DDC: variants seen among roughly 807,000 people sequenced by gnomAD.
DDC encodes the protein dopa decarboxylase.
Under a neutral mutation model 60.0 loss-of-function variants are expected in DDC, and 43 were observed. The ratio of observed to expected loss-of-function variants is 0.72; its 90% CI spans 0.56 to 0.92. The LOEUF (loss-of-function observed/expected upper bound fraction) is 0.92, where lower values mean the gene tolerates loss of function less well. Ranked by LOEUF, DDC falls within the 40% of genes least tolerant of loss-of-function variation. The pLI is 0.00. For missense variants in DDC, 573 were observed against 620.2 expected (o/e 0.92, Z 0.81); for synonymous variants, 232 against 234.6 (o/e 0.99, Z 0.10).
rs145213426 is a variant in DDC at position 50,564,562 on chromosome 7, A to G, written c.-29+723T>C. On this transcript the variant is annotated intron_variant, in intron 1 of 14. Transcript: ENST00000444124. ...CGCATGATGGAGAGCAATGATTTCC[A>G]TCGATTAAGCTTTGATTCTTATATA... Among the ~76,000 whole-genome samples the G allele has an allele frequency of 9.6e-3, 1,467 of 152,326 alleles. 8 individuals are homozygous for G. Among genetic ancestry groups the G allele is most frequent in the Non-Finnish European group, 0.017 (1,151 of 68,024 alleles).
intron 2 of DDC, chr7:50,540,272 G>C: frequency 4.2e-6 from 2 of 477,522 alleles, no homozygotes; most frequent in South Asian, 4.0e-5. Flanking sequence ...GAATGTATTT[G>C]CTAGCTCAGA....
chr7:50,497,537 A>G (rs1302099227), intron 8 of DDC, among the ~76,000 whole-genome samples: 1 of 152,180 alleles, frequency 6.6e-6, no homozygotes, highest in African/African-American at 2.4e-5. Context: ...CCCAGGACAG[A>G]TGTTTCAAAT....
At chr7:50,553,162 C>A (rs2045066214) in intron 1 of DDC, among the ~76,000 whole-genome samples, 1 of 152,228 alleles carries the variant, frequency 6.6e-6, no homozygotes, top group Non-Finnish European at 1.5e-5. Flanking sequence ...CAACCATGCA[C>A]TGTGGATCTG....
chr7:50,530,942 A>G (rs1042390989), intron 4 of DDC, among the ~76,000 whole-genome samples: 4 of 152,290 alleles, frequency 2.6e-5, no homozygotes, highest in Admixed American at 1.3e-4. Context: ...TTGCCTTGAC[A>G]CTACTTTTAC....
intron 12 of DDC, among the ~76,000 whole-genome samples, chr7:50,469,378 T>C (rs1421691040): frequency 6.6e-6 from 1 of 152,056 alleles, no homozygotes; most frequent in Non-Finnish European, 1.5e-5. Flanking sequence ...TGGGCCCCAC[T>C]GCAGGCCGGC....
rs1315465500 is a variant in DDC at position 50,499,143 on chromosome 7, C to G, written c.876+5G>C. ...AGCCTTAGGGAGAGCGAAGGGTGCA[C>G]CTACCTCCACTCCATTCAGAAGGTG... On this transcript the variant is annotated splice_donor_5th_base_variant and intron_variant, in intron 8 of 14. Transcript: ENST00000444124. The G allele has an allele frequency of 6.2e-7, 1 of 1,610,744 alleles. No individual in the cohort carries two copies. The highest frequency in any genetic ancestry group is 1.1e-5 in the South Asian group (1 of 91,020).
intron 2 of DDC, among the ~76,000 whole-genome samples, chr7:50,541,829 T>C (rs2044643565): frequency 6.6e-6 from 1 of 152,218 alleles, no homozygotes. Flanking sequence ...GTTAAATATA[T>C]GTTGTCTAAG....
intron 1 of DDC, among the ~76,000 whole-genome samples, chr7:50,556,036 C>G (rs1163983351): frequency 1.3e-5 from 2 of 152,242 alleles, no homozygotes; most frequent in Non-Finnish European, 2.9e-5. Context: ...CGAATGCCTA[C>G]TGAGGACCAC....
chr7:50,550,070 A>C (rs2044937520), intron 1 of DDC, among the ~76,000 whole-genome samples: 1 of 152,384 alleles, frequency 6.6e-6, no homozygotes, highest in South Asian at 2.1e-4. Flanking sequence ...GTAAAATGCT[A>C]TCAAACAGCA....
At chr7:50,460,216 C>T (rs1386432481) in intron 14 of DDC, among the ~76,000 whole-genome samples, 1 of 147,080 alleles carries the variant, frequency 6.8e-6, no homozygotes, top group Non-Finnish European at 1.5e-5. Flanking sequence ...GGCCAGCCGC[C>T]CCGTCCGGGA....
At chr7:50,460,414 G>T (rs938534796) in intron 14 of DDC, among the ~76,000 whole-genome samples, 1 of 149,356 alleles carries the variant, frequency 6.7e-6, no homozygotes, top group Admixed American at 6.6e-5. Flanking sequence ...AAGGTGGGGG[G>T]GTCAGCCCCC....
chr7:50,528,005 T>C (rs1024226374), intron 6 of DDC, 132 bp downstream of exon 6: 5 of 1,059,356 alleles, frequency 4.7e-6, no homozygotes, highest in Non-Finnish European at 6.7e-6. Flanking sequence ...CACGCCATTC[T>C]CCTGCCTCAG....
At chr7:50,504,848 T>G (rs1378493788) in intron 6 of DDC, among the ~76,000 whole-genome samples, 2 of 152,204 alleles carry the variant, frequency 1.3e-5, no homozygotes, top group Non-Finnish European at 2.9e-5. Context: ...GAACAGACTT[T>G]GGCATCAGTT....
chr7:50,538,441 T>A (rs1233813693), intron 3 of DDC, among the ~76,000 whole-genome samples: 1 of 152,158 alleles, frequency 6.6e-6, no homozygotes, highest in Non-Finnish European at 1.5e-5. Context: ...TTGAGCCCCA[T>A]CCAAAGGTGG....
chr7:50,537,891 T>A lies in DDC; in HGVS notation c.404A>T (p.Glu135Val). ...CACTCCTCCCCCTTCTCCAGCTTTC[T>A]CATTCAAAAATGCCTTTGGTAGTTC... ...MLELPKAFLN[E>V]KAGEGGGVIQ... Residue 135 changes from glutamate (E) to valine (V), a missense_variant, in exon 4 of 15, where the codon GAG (glutamate) becomes GTG (valine). Physicochemically the swap from Glu to Val is moderately radical, Grantham distance 121 (BLOSUM62 -2). Coordinates refer to ENST00000444124, the MANE Select transcript of DDC (RefSeq NM_001082971.2). 2 of 1,614,174 alleles carry A rather than the reference T, an allele frequency of 1.2e-6. No individual in the cohort carries two copies. The highest frequency in any genetic ancestry group is 1.7e-6 in the Non-Finnish European group (2 of 1,180,038).
At chr7:50,554,384 T>C (rs1438975692) in intron 1 of DDC, among the ~76,000 whole-genome samples, 1 of 151,758 alleles carries the variant, frequency 6.6e-6, no homozygotes, top group Non-Finnish European at 1.5e-5. Context: ...GAAACTGCCG[T>C]GAAAGTCTAT....
intron 3 of DDC, among the ~76,000 whole-genome samples, chr7:50,538,229 A>G (rs1456555616): frequency 6.6e-6 from 1 of 152,106 alleles, no homozygotes; most frequent in Non-Finnish European, 1.5e-5. Flanking sequence ...CGGGCTTGCT[A>G]GGATATTCAT....
At chr7:50,500,579 T>C (rs775534066) in intron 7 of DDC, among the ~76,000 whole-genome samples, 3 of 152,342 alleles carry the variant, frequency 2.0e-5, no homozygotes, top group South Asian at 2.1e-4. Context: ...GTGCTCTTCC[T>C]GGCTCACTGC....
At chr7:50,484,641 G>T (rs2042842509) in intron 9 of DDC, among the ~76,000 whole-genome samples, 1 of 152,120 alleles carries the variant, frequency 6.6e-6, no homozygotes, top group Admixed American at 6.5e-5. Flanking sequence ...ATGTGTACTT[G>T]AGGACATACA....
Sources: allele counts gnomAD v4.1 joint callset (sites outside exome capture counted in the v4.1 genomes callset), GRCh38; gene constraint gnomAD v4.1.1; transcripts MANE v1.5; gene names NCBI Gene and HGNC (gene_info 2026-07-23, HGNC 2026-07-21).